Variants in MDN1 observed in about 807,000 individuals in gnomAD.
MDN1 encodes the protein midasin AAA ATPase 1, also known as midasin.
A neutral mutation model predicts 669.2 loss-of-function variants in MDN1; 266 were observed. That is an observed-to-expected ratio of 0.40 (90% confidence interval 0.36 to 0.44). The LOEUF (loss-of-function observed/expected upper bound fraction) is 0.44. MDN1 is among the 20% of genes least tolerant of loss of function. MDN1 has a pLI of 1.00. For synonymous variants in MDN1, 2,385 were observed against 2,457.1 expected, an observed-to-expected ratio of 0.97 and a Z score of 0.87; for missense variants, 5,940 against 6,754.0, an observed-to-expected ratio of 0.88 and a Z score of 4.22.
At chr6:89,656,308 G>C (rs1377703307) in intron 91 of MDN1, among the ~76,000 whole-genome samples, 2 of 152,114 alleles carry the variant, frequency 1.3e-5, no homozygotes, top group African/African-American at 4.8e-5. Flanking sequence ...AGGCTTTTAG[G>C]GGATTGGTTT....
chr6:89,700,825 A>G lies in MDN1; in HGVS notation c.8459T>C (p.Leu2820Pro). 6.2e-7 allele frequency: 1 copy of G among 1,614,208 alleles called. No homozygotes were observed. The highest frequency in any genetic ancestry group is 8.5e-7 in the Non-Finnish European group (1 of 1,180,024). The change falls in exon 56 of 102, where the codon CTG becomes CCG. Residue 2820 changes from leucine to proline, a missense_variant. Around this residue, in one of 5 missense-constraint regions of MDN1, gnomAD observed 2,292 missense variants for 2,638.3 expected, o/e 0.87. Transcript: ENST00000369393. ...GGCAAGGACTTTGTTAAGGACCTTC[A>G]GTTGTGAAAAACACTCCACCACCAG... The part of the protein sequence containing the change: ...DKLVVECFSQ[L>P]KVLNKVLAIR...
At chr6:89,751,369 A>G (rs1217391662) in intron 23 of MDN1, 62 bp downstream of exon 23, 1 of 1,594,198 alleles carries the variant, frequency 6.3e-7, no homozygotes, top group East Asian at 2.2e-5. Context: ...AAGTTAGACC[A>G]AAATGTCATC....
intron 11 of MDN1, among the ~76,000 whole-genome samples, chr6:89,778,939 A>T (rs534077833): frequency 1.8e-4 from 22 of 120,356 alleles, no homozygotes; most frequent in South Asian, 8.0e-4. Context: ...AATAAAAAAA[A>T]AGGTATAGGG....
In MDN1 at chr6:89,729,147, G is replaced by T. The variant is rs1410249032; in HGVS notation, c.5141-8C>A. ...TCCTGTGTAGGACAGGTCCTTAAGT[G>T]GAGAAAAGTAAAGTCATGTATAAGC... On this transcript the variant is annotated splice_polypyrimidine_tract_variant and splice_region_variant and intron_variant, in intron 35 of 101. Transcript: ENST00000369393. 2.5e-6 allele frequency: 4 copies of T among 1,607,082 alleles called. No individual in the cohort carries two copies. The highest frequency in any genetic ancestry group is 3.4e-6 in the Non-Finnish European group (4 of 1,177,722).
rs1285232128 is a variant in MDN1, at chr6:89,790,185, G to A, written c.1072C>T (p.Gln358Ter). Residue 358 changes from glutamine (Q) to a stop codon, truncating the protein, a stop_gained, in exon 6 of 102, where the codon CAG (glutamine) becomes TAG (stop). Transcript: ENST00000369393. LOFTEE classifies it high-confidence loss of function. ...TTACTGTCAGTCTGATCTCCAAGCT[G>A]GACTTTGAGAAGCTGAGGAGGCTTT... ...RTKPPQLLKV[Q>*]LGDQTDSKML... 6.2e-7 allele frequency: 1 copy of A among 1,614,002 alleles called. No homozygotes were observed.
At position 89,708,491 on chromosome 6, in the gene MDN1, C is replaced by T. The variant is rs1248208969; in HGVS notation, c.7898+5G>A. On this transcript the variant is annotated splice_donor_5th_base_variant and intron_variant, in intron 51 of 101. Coordinates refer to ENST00000369393, the MANE Select transcript of MDN1 (RefSeq NM_014611.3). ...ACAGTGCCCAGAGCAGCAGGTTTCA[C>T]TTACTTGTTTGCAGCTGATTCTAAA... 3 of 1,613,850 alleles carry T rather than the reference C, an allele frequency of 1.9e-6. No individual in the cohort carries two copies. The highest frequency in any genetic ancestry group is 1.7e-4 in the Middle Eastern group (1 of 6,060).
At chr6:89,771,693 G>A (rs1818085930) in intron 14 of MDN1, 72 bp from the exon 15 acceptor site, 2 of 1,328,722 alleles carry the variant, frequency 1.5e-6, no homozygotes, top group Non-Finnish European at 2.2e-6. Flanking sequence ...TGCTCCTTAA[G>A]GCTGTGGGAA....
intron 53 of MDN1, among the ~76,000 whole-genome samples, chr6:89,703,085 C>T (rs568027568): frequency 2.6e-5 from 4 of 152,036 alleles, no homozygotes; most frequent in Non-Finnish European, 5.9e-5. Context: ...CAGGCGCCTG[C>T]CACCACACCC....
intron 61 of MDN1, among the ~76,000 whole-genome samples, chr6:89,694,490 G>C (rs762318951): frequency 6.6e-6 from 1 of 152,136 alleles, no homozygotes; most frequent in Non-Finnish European, 1.5e-5. Context: ...AATGTATTTA[G>C]TTCCTGAACT....
At chr6:89,768,107 T>C (rs531925375) in intron 15 of MDN1, among the ~76,000 whole-genome samples, 234 of 152,174 alleles carry the variant, frequency 1.5e-3, no homozygotes, top group African/African-American at 5.4e-3. Context: ...CAGTGGCTCA[T>C]GCCTGTAATC....
rs1201094734 is a variant in MDN1 at position 89,796,351 on chromosome 6, C to CA, written c.330-1551dup. On this transcript the variant is annotated intron_variant, in intron 2 of 101. Coordinates refer to ENST00000369393, the MANE Select transcript of MDN1 (RefSeq NM_014611.3). ...AAAAAAAAAAAAAAAAAAAAAAAAA[C>CA]AAAAAAAAAAACCAAACACTTTGAA... 3.7e-3 allele frequency among the ~76,000 whole-genome samples: 267 copies of CA among 71,552 alleles called. 1 individual carries two copies. The highest frequency in any genetic ancestry group is 9.0e-3 in the African/African-American group (160 of 17,764). 46.9% of individuals were successfully genotyped at this position (71,552 alleles called of 152,430 possible).
At chr6:89,763,702 A>G (rs1404478210) in intron 15 of MDN1, among the ~76,000 whole-genome samples, 2 of 152,168 alleles carry the variant, frequency 1.3e-5, no homozygotes, top group Non-Finnish European at 2.9e-5. Context: ...TATGTTTCAC[A>G]ACAAACGTAA....
chr6:89,817,705 G>T (rs1768934082), intron 1 of MDN1, among the ~76,000 whole-genome samples: 1 of 152,208 alleles, frequency 6.6e-6, no homozygotes, highest in African/African-American at 2.4e-5. Context: ...GTCAACAATA[G>T]TAGAGGGTAA....
In MDN1 at chr6:89,648,283, A is replaced by C. The variant is rs1235512902; in HGVS notation, c.16253T>G (p.Leu5418Arg). The C allele has an allele frequency of 2.5e-6, 4 of 1,614,202 alleles. No homozygotes were observed. In the Admixed American group the frequency reaches 6.7e-5, roughly 27 times the overall value. The change falls in exon 98 of 102, where the codon CTG becomes CGG. Residue 5418 changes from leucine to arginine, a missense_variant. Leu to Arg is a moderately radical substitution (Grantham distance 102). This residue lies in a region of MDN1 where 2,280 missense variants were observed against 2,576.3 expected (regional missense o/e 0.88). Transcript: ENST00000369393. Reference protein sequence around the residue: ...LAVIGNALTLLEVGQIAVCSF... With the variant: ...LAVIGNALTLREVGQIAVCSF... ...ACACACTGCAATCTGACCCACTTCC[A>C]GGAGGGTTAGAGCATTTCCAATCAC...
rs1318275471 is a variant in MDN1, at chr6:89,658,918, C to T, written c.14714-1G>A. The T allele has an allele frequency of 1.9e-6, 3 of 1,602,316 alleles. No individual in the cohort carries two copies. Among genetic ancestry groups the T allele is most frequent in the Non-Finnish European group, 2.6e-6 (3 of 1,175,898 alleles). On this transcript the variant is annotated splice_acceptor_variant, in intron 88 of 101. Coordinates refer to ENST00000369393, the MANE Select transcript of MDN1 (RefSeq NM_014611.3). LOFTEE classifies it high-confidence loss of function. ...TCTTTTATCTCCAAAGGATTCTCTTCTGTATAGATACAACAAAAAGGAGGA... is the reference window on the plus strand; with the variant it reads ...TCTTTTATCTCCAAAGGATTCTCTTTTGTATAGATACAACAAAAAGGAGGA...
chr6:89,776,432 G>A (rs986225164), intron 12 of MDN1, among the ~76,000 whole-genome samples, 168 bp downstream of exon 12: 3 of 152,082 alleles, frequency 2.0e-5, no homozygotes, highest in Non-Finnish European at 4.4e-5. Flanking sequence ...TTGCACTCGC[G>A]CCATTTGGGA....
Position 89,696,360 on chromosome 6 carries a change from C to A in MDN1, c.9383G>T (p.Arg3128Ile). The A allele has an allele frequency of 6.2e-7, 1 of 1,613,866 alleles. No homozygotes were observed. The highest frequency in any genetic ancestry group is 1.1e-5 in the South Asian group (1 of 91,014). The change falls in exon 60 of 102, where the codon AGA becomes ATA. Residue 3128 changes from arginine to isoleucine, a missense_variant and splice_region_variant. This residue lies in a region of MDN1 where 2,292 missense variants were observed against 2,638.3 expected (regional missense o/e 0.87). Transcript: ENST00000369393. The stretch of plus-strand genomic sequence containing the variant: ...GTCTGCTTCCAGGGCGAGGGAATAC[C>A]TGAATTCTGCTACTGAAGAGATAGC... ...NMAISSVAEF[R>I]RTDSQLQGQV...
intron 11 of MDN1, among the ~76,000 whole-genome samples, chr6:89,779,134 G>A (rs376543558): frequency 1.2e-4 from 19 of 152,050 alleles, no homozygotes; most frequent in African/African-American, 4.3e-4. Context: ...AATAAGGGGG[G>A]AAAAGAGCTG....
intron 34 of MDN1, 101 bp from the exon 35 acceptor site, chr6:89,731,024 C>T (rs1026990240): frequency 8.2e-6 from 8 of 976,284 alleles, no homozygotes; most frequent in Non-Finnish European, 1.2e-5. Context: ...AAAGAGGCCT[C>T]AGCAAAACTG....
Sources: allele counts gnomAD v4.1 joint callset (sites outside exome capture counted in the v4.1 genomes callset), GRCh38; gene constraint gnomAD v4.1.1; regional missense constraint gnomAD v4.1.1; transcripts MANE v1.5; gene names NCBI Gene and HGNC (gene_info 2026-07-23, HGNC 2026-07-21).